Variants in KLK12 observed in about 807,000 individuals in gnomAD.
KLK12 encodes the protein kallikrein-12.
In KLK12, 23 loss-of-function variants were observed where a neutral mutation model predicts 20.0. The ratio of observed to expected loss-of-function variants is 1.15; its 90% CI spans 0.83 to 1.63. KLK12 has a LOEUF of 1.63. Among genes scored for constraint, KLK12 ranks in the 40% most tolerant of loss-of-function variants. The pLI, the probability that KLK12 is intolerant of heterozygous loss-of-function variation, is 0.00. For synonymous variants in KLK12, 147 were observed against 141.9 expected (o/e 1.04, Z -0.25); for missense variants, 351 against 338.6 (o/e 1.04, Z -0.29).
chr19:51,030,232 CT>C (rs2091541667), intron 5 of KLK12: 1 of 151,400 alleles, frequency 6.6e-6, no homozygotes, highest in Non-Finnish European at 1.5e-5. Context: ...CTTCCTCCCT[CT>C]CTCTCCCTGC....
At chr19:51,033,386 C>T (rs2691210) in intron 3 of KLK12, among the ~76,000 whole-genome samples, 41,580 of 151,858 alleles carry the variant, frequency 0.27, 6,120 homozygotes, top group African/African-American at 0.4. Context: ...GAGGCCAAGA[C>T]GGGCAGGTCA....
chr19:51,031,815 C>T (rs547275244), intron 4 of KLK12, 61 bp downstream of exon 4: 12 of 1,565,332 alleles, frequency 7.7e-6, no homozygotes, highest in African/African-American at 4.1e-5. Context: ...TTCGACCTCT[C>T]GCCCTGCATC....
chr19:51,031,591 C>CATAA (rs1185762497), intron 4 of KLK12, among the ~76,000 whole-genome samples: 1 of 60,480 alleles, frequency 1.7e-5, no homozygotes. Flanking sequence ...ATATCCTATA[C>CATAA]ATACATATAT....
chr19:51,032,381 C>CTT lies in KLK12; in HGVS notation c.198-248_198-247dup, dbSNP rs869282785. ...CCCTGCATCTGTGTCTCTCTCTCTC[C>CTT]TTTTTTTTTTTTTTTTTTTTTTCAA... On this transcript the variant is annotated intron_variant, in intron 3 of 5. Coordinates refer to ENST00000684732, the MANE Select transcript of KLK12 (RefSeq NM_001370125.1). Among the ~76,000 whole-genome samples, 359 of 115,280 alleles carry CTT rather than the reference C, an allele frequency of 3.1e-3. 9 individuals are homozygous for CTT. The highest frequency in any genetic ancestry group is 0.011 in the African/African-American group (318 of 28,478). The allele number at this position is 115,280 out of a possible 152,430, so 75.6% of individuals were successfully genotyped here.
chr19:51,030,266 G>A (rs946878836), intron 5 of KLK12, among the ~76,000 whole-genome samples: 4 of 144,250 alleles, frequency 2.8e-5, no homozygotes, highest in Admixed American at 7.0e-5. Flanking sequence ...TCCATTCCCC[G>A]GTCCTCCCTT....
At chr19:51,031,591 C>CATATATATATATATATATATATATATAT (rs1185762497) in intron 4 of KLK12, among the ~76,000 whole-genome samples, 1 of 60,480 alleles carries the variant, frequency 1.7e-5, no homozygotes, top group Non-Finnish European at 4.2e-5. Context: ...ATATCCTATA[C>CATATATATATATATATATATATATATAT]ATACATATAT....
chr19:51,032,869 C>CCT (rs1179591348), intron 3 of KLK12, among the ~76,000 whole-genome samples: 1 of 151,970 alleles, frequency 6.6e-6, no homozygotes, highest in Non-Finnish European at 1.5e-5. Flanking sequence ...TGCTGCTGGC[C>CCT]CTCTCTCTCC....
At chr19:51,034,224 G>T (rs1054456426) in intron 2 of KLK12, 85 bp from the exon 3 acceptor site, 28 of 1,415,740 alleles carry the variant, frequency 2.0e-5, no homozygotes, top group Non-Finnish European at 2.7e-5. Context: ...AGAGAAACAG[G>T]CAGGAGAGAG....
rs999296323 is a variant in KLK12, at chr19:51,029,606, G to A, written c.592-149C>T. On this transcript the variant is annotated intron_variant, in intron 5 of 5. Coordinates refer to ENST00000684732, the MANE Select transcript of KLK12 (RefSeq NM_001370125.1). ...TATAATCACTTTCCCGGAGGACAAT[G>A]GCAATGGCTAACCAAAAGAGAAGAA... is the stretch of plus-strand genomic sequence containing the variant. 4 of 689,416 alleles carry A rather than the reference G, an allele frequency of 5.8e-6. No homozygotes were observed. In the East Asian group the frequency reaches 1.1e-4, roughly 19 times the overall value. 42.7% of individuals were successfully genotyped at this position (689,416 alleles called of 1,614,324 possible). A position where few individuals can be genotyped will look rare whatever the true frequency, so the allele number is the denominator to read the frequency against.
Position 51,033,968 on chromosome 19 carries a change from G to A in KLK12, c.197+12C>T. On this transcript the variant is annotated intron_variant, in intron 3 of 5. Transcript: ENST00000684732. ...ATAGTCCTCCCTTCGCCCACCCCAGGAAGGGACTTACCTGCCGCTGCAGTG... is the reference window on the plus strand; with the variant it reads ...ATAGTCCTCCCTTCGCCCACCCCAGAAAGGGACTTACCTGCCGCTGCAGTG... 2 of 1,610,104 alleles carry A rather than the reference G, an allele frequency of 1.2e-6. No individual in the cohort carries two copies. The highest frequency in any genetic ancestry group is 2.2e-5 in the East Asian group (1 of 44,822).
At position 51,034,977 on chromosome 19, in the gene KLK12, C is replaced by G; in HGVS notation, c.-191G>C. On this transcript the variant is annotated 5_prime_UTR_variant, in exon 1 of 6. Transcript: ENST00000684732. ...TCAGCCACCTGTCATGTTGCTCAAC[C>G]GGTCCCTTTCCTTCCATCTGTCGCT... is the stretch of plus-strand genomic sequence containing the variant. 1 of 1,177,326 alleles carries G rather than the reference C, an allele frequency of 8.5e-7. No homozygotes were observed. The highest frequency in any genetic ancestry group is 2.2e-5 in the South Asian group (1 of 44,758). The allele number at this position is 1,177,326 out of a possible 1,614,324, so 72.9% of individuals were successfully genotyped here. A position where few individuals can be genotyped will look rare whatever the true frequency, so the allele number is the denominator to read the frequency against.
At chr19:51,030,973 G>A (rs749166219) in intron 4 of KLK12, 52 bp from the exon 5 acceptor site, 3 of 1,611,632 alleles carry the variant, frequency 1.9e-6, no homozygotes, top group Non-Finnish European at 2.5e-6. Flanking sequence ...CCCACTTTGA[G>A]GCCACGTCCC....
chr19:51,032,368 GTC>G (rs1340433523), intron 3 of KLK12, among the ~76,000 whole-genome samples: 1 of 142,094 alleles, frequency 7.0e-6, no homozygotes, highest in Non-Finnish European at 1.5e-5. Flanking sequence ...CTGCATCTGT[GTC>G]TCTCTCTCTC....
chr19:51,030,122 G>A (rs1250316337), intron 5 of KLK12: 4 of 155,276 alleles, frequency 2.6e-5, no homozygotes, highest in African/African-American at 9.7e-5. Context: ...AAGACTTAGA[G>A]CCCCAGAAAC....
chr19:51,034,215 G>A (rs996687139), intron 2 of KLK12, 76 bp from the exon 3 acceptor site: 4 of 1,457,794 alleles, frequency 2.7e-6, no homozygotes, highest in East Asian at 4.9e-5. Context: ...GAGTGAGAGA[G>A]AGAAACAGGC....
In KLK12 at chr19:51,031,909, C is replaced by T. The variant is rs756567819; in HGVS notation, c.424G>A (p.Val142Ile). ...DCATAGTECH[V>I]SGWGITNHPR... ...TGGTTGGTGATGCCCCAGCCTGAGA[C>T]GTGGCACTCGGTGCCAGCGGTTGCA... Residue 142 changes from valine to isoleucine, a missense_variant, in exon 4 of 6, where the codon GTC becomes ATC. Physicochemically the swap from Val to Ile is conservative, Grantham distance 29. Coordinates refer to ENST00000684732, the MANE Select transcript of KLK12 (RefSeq NM_001370125.1). 7 of 1,613,586 alleles carry T rather than the reference C, an allele frequency of 4.3e-6. No homozygotes were observed. The highest frequency in any genetic ancestry group is 2.2e-5 in the East Asian group (1 of 44,872).
Position 51,029,147 on chromosome 19 carries a change from C to T in KLK12, c.*155G>A, listed in dbSNP as rs758447385. ...TATTGCACACTTCTCTCACCCCGCT[C>T]GTGGGTCTTAGAAGGGCTGGCAGGA... On this transcript the variant is annotated 3_prime_UTR_variant, in exon 6 of 6. Coordinates refer to ENST00000684732, the MANE Select transcript of KLK12 (RefSeq NM_001370125.1). The T allele has an allele frequency of 3.1e-6, 5 of 1,613,712 alleles. No homozygotes were observed. Among genetic ancestry groups the T allele is most frequent in the South Asian group, 1.1e-5 (1 of 91,058 alleles).
chr19:51,031,922 G>A lies in KLK12; in HGVS notation c.411C>T (p.Gly137=). 1.2e-6 allele frequency: 2 copies of A among 1,613,492 alleles called. No individual in the cohort carries two copies. The highest frequency in any genetic ancestry group is 1.7e-6 in the Non-Finnish European group (2 of 1,179,710). Residue 137 remains glycine (G), a synonymous_variant, in exon 4 of 6, where the codon GGC becomes GGT. Coordinates refer to ENST00000684732, the MANE Select transcript of KLK12 (RefSeq NM_001370125.1). ...CCCAGCCTGAGACGTGGCACTCGGTGCCAGCGGTTGCACAGTCATTGGGCA... is the reference window on the plus strand; with the variant it reads ...CCCAGCCTGAGACGTGGCACTCGGTACCAGCGGTTGCACAGTCATTGGGCA... ...LPLPNDCATA[G]TECHVSGWGI...
At chr19:51,031,417 C>T (rs1440670756) in intron 4 of KLK12, among the ~76,000 whole-genome samples, 4 of 151,710 alleles carry the variant, frequency 2.6e-5, no homozygotes, top group East Asian at 1.9e-4. Flanking sequence ...CCCCAAACTT[C>T]GGGCCCCACA....
Sources: gnomAD v4.1 joint callset for allele counts (sites outside exome capture counted in the v4.1 genomes callset) on GRCh38, gnomAD v4.1.1 for gene constraint, MANE v1.5 for transcripts, NCBI Gene and HGNC (gene_info 2026-07-23, HGNC 2026-07-21) for gene names.